The following PRKCA variants were observed in gnomAD, a reference collection of about 807,000 sequenced individuals.
The protein encoded by PRKCA is protein kinase C alpha.
Under a neutral mutation model 87.0 loss-of-function variants are expected in PRKCA, and 27 were observed. The observed-to-expected ratio is 0.31, with a 90% CI of 0.23 to 0.43. The LOEUF is 0.43. PRKCA is among the 20% of genes least tolerant of loss of function. The pLI, the probability that PRKCA is intolerant of heterozygous loss-of-function variation, is 1.00. For synonymous variants in PRKCA, 329 were observed against 311.1 expected (o/e 1.06, Z -0.61); for missense variants, 518 against 852.3 (o/e 0.61, Z 4.88).
intron 1 of PRKCA, among the ~76,000 whole-genome samples, chr17:66,303,396 G>A (rs1196564904): frequency 6.6e-6 from 1 of 152,170 alleles, no homozygotes; most frequent in Non-Finnish European, 1.5e-5. Context: ...AGGCCCTAAG[G>A]GGGCAAAGGT....
At chr17:66,401,356 G>T (rs8082587) in intron 2 of PRKCA, among the ~76,000 whole-genome samples, 128,284 of 152,104 alleles carry the variant, frequency 0.84, 54,439 homozygotes, top group South Asian at 0.94. Context: ...AGTGCCTGCG[G>T]CTGGACCCAC....
intron 3 of PRKCA, among the ~76,000 whole-genome samples, chr17:66,498,242 G>A (rs549132180): frequency 5.9e-5 from 9 of 151,916 alleles, no homozygotes; most frequent in African/African-American, 9.7e-5. Context: ...TAGCTGGAAC[G>A]TAAAGTACTA....
rs192312469 is a variant in PRKCA, at chr17:66,689,998, G to A, written c.918+951G>A. On this transcript the variant is annotated intron_variant, in intron 8 of 16. Coordinates refer to ENST00000413366, the MANE Select transcript of PRKCA (RefSeq NM_002737.3). The surrounding 1 kb of genome is among the most constrained non-coding windows in gnomAD (Gnocchi z 4.1). ...ACTGAAATGTTGACACTAATGGGAT[G>A]CTGATGCTCCTCTTTTCCTTCTTCT... is the stretch of plus-strand genomic sequence containing the variant. Among the ~76,000 whole-genome samples, 1 of 152,194 alleles carries A rather than the reference G, an allele frequency of 6.6e-6. No homozygotes were observed. The highest frequency in any genetic ancestry group is 1.9e-4 in the East Asian group (1 of 5,172).
chr17:66,532,072 A>G (rs1967561757), intron 3 of PRKCA, among the ~76,000 whole-genome samples: 1 of 152,040 alleles, frequency 6.6e-6, no homozygotes, highest in Non-Finnish European at 1.5e-5. Flanking sequence ...GATCAGGGTG[A>G]ATTTCCAAGA....
chr17:66,464,814 C>T (rs1415940920), intron 2 of PRKCA, among the ~76,000 whole-genome samples: 1 of 152,078 alleles, frequency 6.6e-6, no homozygotes. Flanking sequence ...CCTATAATAT[C>T]TTCTGATTCT....
intron 3 of PRKCA, among the ~76,000 whole-genome samples, chr17:66,501,032 G>T (rs1916708632): frequency 6.6e-6 from 1 of 152,032 alleles, no homozygotes; most frequent in South Asian, 2.1e-4. Flanking sequence ...CCTTCGTTGA[G>T]CTTGGCAGAC....
At chr17:66,572,626 A>T (rs1020639182) in intron 3 of PRKCA, among the ~76,000 whole-genome samples, 2 of 152,084 alleles carry the variant, frequency 1.3e-5, no homozygotes, top group African/African-American at 4.8e-5. Flanking sequence ...CAGCCTCCCA[A>T]CTAACTGGGA....
chr17:66,389,513 C>G (rs149014284), intron 2 of PRKCA, among the ~76,000 whole-genome samples: 1 of 152,250 alleles, frequency 6.6e-6, no homozygotes, highest in South Asian at 2.1e-4. Context: ...AAAAATATGC[C>G]GGAAGTATCT....
At chr17:66,492,143 A>T (rs1916273887) in intron 2 of PRKCA, among the ~76,000 whole-genome samples, 2 of 152,220 alleles carry the variant, frequency 1.3e-5, no homozygotes, top group African/African-American at 4.8e-5. Flanking sequence ...GTCTGGAAAC[A>T]CATGGCCTTT....
At chr17:66,512,646 G>A (rs898702714) in intron 3 of PRKCA, among the ~76,000 whole-genome samples, 20 of 152,014 alleles carry the variant, frequency 1.3e-4, no homozygotes, top group East Asian at 5.8e-4. Flanking sequence ...ATGCTCATTC[G>A]TACGATTTCA....
intron 13 of PRKCA, among the ~76,000 whole-genome samples, chr17:66,756,014 T>C (rs1273738127): frequency 6.6e-6 from 1 of 152,156 alleles, no homozygotes; most frequent in African/African-American, 2.4e-5. Flanking sequence ...AAAAACCTGA[T>C]CCGTAATCGG....
Position 66,355,485 on chromosome 17 carries a change from G to A in PRKCA, c.205+49358G>A, listed in dbSNP as rs9895052. On this transcript the variant is annotated intron_variant, in intron 2 of 16. Transcript: ENST00000413366. ...ACCATTAAATTTCAGTCTAGTGGCG[G>A]GTGCATGGGTGTGTGTTACATCATT... is the stretch of plus-strand genomic sequence containing the variant. Among the ~76,000 whole-genome samples the A allele has an allele frequency of 8.9e-3, 1,353 of 152,210 alleles. 23 individuals are homozygous for A. The highest frequency in any genetic ancestry group is 0.031 in the African/African-American group (1,292 of 41,532).
At chr17:66,615,760 TG>T (rs1341031560) in intron 3 of PRKCA, among the ~76,000 whole-genome samples, 1 of 152,098 alleles carries the variant, frequency 6.6e-6, no homozygotes, top group Non-Finnish European at 1.5e-5. Flanking sequence ...GTCACCACCT[TG>T]GGCCTGGTCA....
At chr17:66,621,465 T>C (rs1028936555) in intron 3 of PRKCA, among the ~76,000 whole-genome samples, 14 of 152,236 alleles carry the variant, frequency 9.2e-5, no homozygotes, top group African/African-American at 2.7e-4. Context: ...AAACCTGTTA[T>C]AATCAATTCA....
At chr17:66,642,381 G>A (rs1234189604) in intron 4 of PRKCA, among the ~76,000 whole-genome samples, 1 of 151,996 alleles carries the variant, frequency 6.6e-6, no homozygotes. Context: ...CGCCCGCCTC[G>A]GCCTCCCAAA....
At chr17:66,436,393 C>T (rs1229466374) in intron 2 of PRKCA, among the ~76,000 whole-genome samples, 1 of 152,144 alleles carries the variant, frequency 6.6e-6, no homozygotes, top group Non-Finnish European at 1.5e-5. Flanking sequence ...CTGTTTTCCC[C>T]ATTTATGAGG....
rs181954166 is a variant in PRKCA at position 66,613,220 on chromosome 17, C to T, written c.289-28135C>T. ...GCTAATTAGAGTTCTCTGCCAGAAT[C>T]CTAGAGCCTGATGTTGGCTCTGTGA... On this transcript the variant is annotated intron_variant, in intron 3 of 16. Coordinates refer to ENST00000413366, the MANE Select transcript of PRKCA (RefSeq NM_002737.3). Among the ~76,000 whole-genome samples the T allele has an allele frequency of 2.9e-3, 443 of 152,316 alleles. 1 individual carries two copies. The highest frequency in any genetic ancestry group is 3.7e-3 in the Non-Finnish European group (251 of 68,028).
intron 3 of PRKCA, among the ~76,000 whole-genome samples, chr17:66,564,619 G>T (rs1450619559): frequency 6.6e-6 from 1 of 152,204 alleles, no homozygotes; most frequent in Non-Finnish European, 1.5e-5. Flanking sequence ...GTGGGTTTTA[G>T]TACATTAGAT....
At chr17:66,775,364 C>T (rs559951765) in intron 14 of PRKCA, 2 of 985,006 alleles carry the variant, frequency 2.0e-6, no homozygotes, top group Non-Finnish European at 1.2e-6. Flanking sequence ...ATCTTAGGGG[C>T]CGGCCTAGAA....
Sources: allele counts gnomAD v4.1 joint callset (sites outside exome capture counted in the v4.1 genomes callset), GRCh38; gene constraint gnomAD v4.1.1; non-coding constraint Gnocchi (gnomAD v3.1); transcripts MANE v1.5; gene names NCBI Gene and HGNC (gene_info 2026-07-23, HGNC 2026-07-21).